NR6A1: variants seen among roughly 807,000 people sequenced by gnomAD.
NR6A1 encodes the protein nuclear receptor subfamily 6 group A member 1, also known as retinoic acid receptor-related testis-associated receptor.
A neutral mutation model predicts 59.1 loss-of-function variants in NR6A1; 7 were observed. The observed-to-expected ratio is 0.12, with a 90% CI of 0.07 to 0.22. NR6A1 has a LOEUF of 0.22. Among genes scored for constraint, NR6A1 ranks in the 10% least tolerant of loss-of-function variants. The probability of loss-of-function intolerance (pLI) is 1.00; values close to 1 mark genes in which losing one functional copy is unlikely to be tolerated. For missense variants in NR6A1, 468 were observed against 611.6 expected (o/e 0.77, Z 2.48); for synonymous variants, 243 against 236.1 (o/e 1.03, Z -0.27).
intron 2 of NR6A1, chr9:124,599,459 C>T (rs984620781): frequency 2.3e-6 from 1 of 439,884 alleles, no homozygotes; most frequent in Non-Finnish European, 4.4e-6. Flanking sequence ...CTTCCTCCAG[C>T]GTTTTAAAAT....
chr9:124,751,043 A>T (rs1229804245), intron 1 of NR6A1, among the ~76,000 whole-genome samples: 2 of 116,204 alleles, frequency 1.7e-5, no homozygotes, highest in Non-Finnish European at 3.5e-5. Context: ...TCTCCCACTT[A>T]GGGGGCCAAG....
intron 2 of NR6A1, among the ~76,000 whole-genome samples, chr9:124,665,783 T>C (rs1588760180): frequency 6.6e-6 from 1 of 152,198 alleles, no homozygotes; most frequent in South Asian, 2.1e-4. Flanking sequence ...ACGATAACTA[T>C]GAACAGAATG....
intron 2 of NR6A1, among the ~76,000 whole-genome samples, chr9:124,717,604 G>A (rs892853903): frequency 2.0e-5 from 3 of 152,210 alleles, no homozygotes; most frequent in African/African-American, 4.8e-5. Context: ...ATTTTCTGAA[G>A]GGATGGAAAT....
intron 2 of NR6A1, among the ~76,000 whole-genome samples, chr9:124,713,599 T>C (rs183488439): frequency 2.0e-5 from 3 of 152,184 alleles, no homozygotes; most frequent in Non-Finnish European, 2.9e-5. Flanking sequence ...TAAACATTTC[T>C]CCAAAGAAGA....
At chr9:124,578,920 A>C (rs907815986) in intron 2 of NR6A1, among the ~76,000 whole-genome samples, 1 of 152,224 alleles carries the variant, frequency 6.6e-6, no homozygotes, top group Non-Finnish European at 1.5e-5. Flanking sequence ...AGAGGATTAT[A>C]GGGGACTAGA....
intron 2 of NR6A1, among the ~76,000 whole-genome samples, chr9:124,706,487 GA>G (rs1321370566): frequency 6.6e-6 from 1 of 151,934 alleles, no homozygotes; most frequent in Non-Finnish European, 1.5e-5. Context: ...CATTTTTGAA[GA>G]ACAGTTTTGC....
chr9:124,769,252 TAAAA>T lies in NR6A1; in HGVS notation c.100+1764_100+1767del, dbSNP rs11324073. ...TAGCCATCATACATCATACACAAAT[TAAAA>T]AAAAAAAAAAAAGAGCTCTGAAAAC... On this transcript the variant is annotated intron_variant, in intron 1 of 9. Transcript: ENST00000487099. Among the ~76,000 whole-genome samples, 12 of 141,960 alleles carry T rather than the reference TAAAA, an allele frequency of 8.5e-5. No individual in the cohort carries two copies. In the East Asian group the frequency reaches 1.8e-3, roughly 22 times the overall value. 93.1% of individuals were successfully genotyped at this position (141,960 alleles called of 152,430 possible).
chr9:124,673,459 A>G (rs562520527), intron 2 of NR6A1, among the ~76,000 whole-genome samples: 5 of 152,080 alleles, frequency 3.3e-5, no homozygotes, highest in Admixed American at 3.3e-4. Flanking sequence ...CCTAAGGAGG[A>G]AAAATAAACT....
At position 124,696,165 on chromosome 9, in the gene NR6A1, A is replaced by G. The variant is rs553660256; in HGVS notation, c.142+37143T>C. Among the ~76,000 whole-genome samples the G allele has an allele frequency of 1.1e-3, 174 of 152,328 alleles. 1 individual carries two copies. Among genetic ancestry groups the G allele is most frequent in the African/African-American group, 3.8e-3 (158 of 41,574 alleles). On this transcript the variant is annotated intron_variant, in intron 2 of 9. Transcript: ENST00000487099. Reference sequence around the variant, plus strand: ...AGAAGGACTTGTGAGCAAGGCGCAAAGTCAATTAGTCCAACAGAGAGCCGT... The same window carrying G: ...AGAAGGACTTGTGAGCAAGGCGCAAGGTCAATTAGTCCAACAGAGAGCCGT...
intron 2 of NR6A1, among the ~76,000 whole-genome samples, chr9:124,725,533 T>C (rs1421663709): frequency 6.6e-6 from 1 of 152,218 alleles, no homozygotes; most frequent in African/African-American, 2.4e-5. Flanking sequence ...AGCAACGAAG[T>C]ATTTCCTGTT....
intron 2 of NR6A1, among the ~76,000 whole-genome samples, chr9:124,696,972 A>G (rs536179641): frequency 1.9e-4 from 29 of 152,266 alleles, no homozygotes; most frequent in African/African-American, 6.7e-4. Context: ...ATCTTTCTTC[A>G]CTTAAAATAT....
chr9:124,747,552 C>T (rs1840370272), intron 1 of NR6A1, among the ~76,000 whole-genome samples: 1 of 152,138 alleles, frequency 6.6e-6, no homozygotes, highest in Admixed American at 6.5e-5. Flanking sequence ...CCCATCTATC[C>T]AAATGTCTAT....
Position 124,600,795 on chromosome 9 carries a change from G to A in NR6A1, c.143-46225C>T, listed in dbSNP as rs575452020. ...TTAGAACAGACTGAGGTGCCAGAGA[G>A]GGCATTACATTTGGGCTGAACCTTG... On this transcript the variant is annotated intron_variant, in intron 2 of 9. Transcript: ENST00000487099. Among the ~76,000 whole-genome samples, 28 of 152,286 alleles carry A rather than the reference G, an allele frequency of 1.8e-4. No homozygotes were observed. In the East Asian group the frequency reaches 5.4e-3, roughly 29 times the overall value.
intron 2 of NR6A1, among the ~76,000 whole-genome samples, chr9:124,603,920 A>ACTT (rs1468531163): frequency 4.6e-5 from 7 of 152,180 alleles, no homozygotes; most frequent in African/African-American, 1.4e-4. Context: ...GGCTGTAATA[A>ACTT]ATCTGACAAG....
intron 2 of NR6A1, among the ~76,000 whole-genome samples, chr9:124,649,353 C>CA (rs1197647829): frequency 1.3e-5 from 2 of 151,536 alleles, no homozygotes; most frequent in African/African-American, 4.8e-5. Context: ...CATTCATTGG[C>CA]AAAAGGACAG....
intron 2 of NR6A1, among the ~76,000 whole-genome samples, chr9:124,644,386 G>C (rs1452854090): frequency 6.7e-6 from 1 of 149,826 alleles, no homozygotes; most frequent in Non-Finnish European, 1.5e-5. Flanking sequence ...CAAGTAGCTG[G>C]GATTACAGGC....
chr9:124,732,697 A>AT (rs879596333), intron 2 of NR6A1, among the ~76,000 whole-genome samples: 1,788 of 144,034 alleles, frequency 0.012, 31 homozygotes, highest in African/African-American at 0.038. Flanking sequence ...GCAAGTACGA[A>AT]TTTTTTTTTT....
At chr9:124,681,166 T>C (rs528822914) in intron 2 of NR6A1, among the ~76,000 whole-genome samples, 1 of 152,260 alleles carries the variant, frequency 6.6e-6, no homozygotes, top group South Asian at 2.1e-4. Flanking sequence ...TATTGTTACG[T>C]TGTAAGCTGA....
intron 2 of NR6A1, among the ~76,000 whole-genome samples, chr9:124,700,412 G>A (rs1254385090): frequency 6.7e-6 from 1 of 150,248 alleles, no homozygotes; most frequent in Non-Finnish European, 1.5e-5. Context: ...GTAAAGATGG[G>A]GTTTCACCAT....
Sources: gnomAD v4.1 joint callset for allele counts (sites outside exome capture counted in the v4.1 genomes callset) on GRCh38, gnomAD v4.1.1 for gene constraint, MANE v1.5 for transcripts, NCBI Gene and HGNC (gene_info 2026-07-23, HGNC 2026-07-21) for gene names.